Variants in DCP1B observed in about 807,000 individuals in gnomAD.
DCP1B encodes decapping mRNA 1B, also known as mRNA-decapping enzyme 1B.
DCP1B carries 47 observed loss-of-function variants against 60.5 expected under a neutral mutation model. That is an observed-to-expected ratio of 0.78 (90% CI 0.61 to 0.99). The LOEUF (loss-of-function observed/expected upper bound fraction) is 0.99. Ranked by LOEUF, DCP1B falls within the 50% of genes least tolerant of loss-of-function variation. DCP1B has a pLI of 0.00. For missense variants in DCP1B, 725 were observed against 756.8 expected (o/e 0.96, Z 0.49); for synonymous variants, 267 against 280.3 (o/e 0.95, Z 0.47).
At chr12:1,956,098 C>A (rs2154456752) in intron 5 of DCP1B, among the ~76,000 whole-genome samples, 1 of 152,296 alleles carries the variant, frequency 6.6e-6, no homozygotes, top group African/African-American at 2.4e-5. Flanking sequence ...CTTGCATAAA[C>A]AGAGTAATTC....
At position 1,953,160 on chromosome 12, in the gene DCP1B, C is replaced by CTGT; in HGVS notation, c.779_780insACA (p.Gln261dup). ...CCTGCCTAATTGGAAGCTTCTCTTG[C>CTGT]TGCTGCTGCTGCTGCTGCTGCTGCT... On this transcript the variant is annotated inframe_insertion, in exon 7 of 9. Coordinates refer to ENST00000280665, the MANE Select transcript of DCP1B (RefSeq NM_152640.5). 2 of 1,133,532 alleles carry CTGT rather than the reference C, an allele frequency of 1.8e-6. No homozygotes were observed. Among genetic ancestry groups the CTGT allele is most frequent in the Non-Finnish European group, 2.5e-6 (2 of 784,896 alleles). The allele number at this position is 1,133,532 out of a possible 1,614,324, so 70.2% of individuals were successfully genotyped here.
intron 3 of DCP1B, among the ~76,000 whole-genome samples, chr12:1,976,708 T>C (rs1429800121): frequency 6.6e-6 from 1 of 151,990 alleles, no homozygotes; most frequent in Non-Finnish European, 1.5e-5. Flanking sequence ...GCTTTAGGGG[T>C]TCAATAAAAT....
chr12:1,951,290 G>A (rs923066078), intron 7 of DCP1B, among the ~76,000 whole-genome samples: 1 of 152,152 alleles, frequency 6.6e-6, no homozygotes, highest in Admixed American at 6.5e-5. Flanking sequence ...AACAAAAAAA[G>A]GTACATAACA....
intron 3 of DCP1B, among the ~76,000 whole-genome samples, chr12:1,983,901 G>C (rs1282469503): frequency 1.3e-5 from 2 of 151,334 alleles, no homozygotes; most frequent in Non-Finnish European, 3.0e-5. Flanking sequence ...CACACACTTT[G>C]AAGCTCTGTA....
chr12:1,999,350 A>C (rs770296167), intron 1 of DCP1B, among the ~76,000 whole-genome samples: 4 of 152,380 alleles, frequency 2.6e-5, no homozygotes, highest in Middle Eastern at 3.4e-3. Context: ...ATGGCTATAA[A>C]AAATCATTAC....
At chr12:1,958,591 C>T (rs2030993350) in intron 5 of DCP1B, among the ~76,000 whole-genome samples, 1 of 150,822 alleles carries the variant, frequency 6.6e-6, no homozygotes, top group East Asian at 2.0e-4. Context: ...CCTAACGTCG[C>T]TCTGGGCAAT....
chr12:1,963,736 T>G (rs889264324), intron 5 of DCP1B, among the ~76,000 whole-genome samples: 27 of 152,312 alleles, frequency 1.8e-4, no homozygotes, highest in South Asian at 2.1e-4. Flanking sequence ...TGAAGAGCCC[T>G]GACACCTTCT....
intron 4 of DCP1B, among the ~76,000 whole-genome samples, chr12:1,967,622 A>G (rs1400283392): frequency 6.6e-6 from 1 of 152,274 alleles, no homozygotes; most frequent in African/African-American, 2.4e-5. Flanking sequence ...CACACAGGAA[A>G]AAATGAATCA....
chr12:1,982,641 C>T (rs2036496185), intron 3 of DCP1B, among the ~76,000 whole-genome samples: 1 of 151,846 alleles, frequency 6.6e-6, no homozygotes, highest in Non-Finnish European at 1.5e-5. Flanking sequence ...TGGGTTATTC[C>T]CACCATTTGG....
At position 1,948,974 on chromosome 12, in the gene DCP1B, C is replaced by A; in HGVS notation, c.1773+112G>T. The A allele has an allele frequency of 7.1e-7, 1 of 1,399,388 alleles. No individual in the cohort carries two copies. Among genetic ancestry groups the A allele is most frequent in the South Asian group, 1.4e-5 (1 of 73,834 alleles). 86.7% of individuals were successfully genotyped at this position (1,399,388 alleles called of 1,614,324 possible). Reference sequence around the variant, plus strand: ...GGTCAGGATGAGTTGTTACACACACCTGTTATTCTCACGGAAGCTAAGCAG... The same window carrying A: ...GGTCAGGATGAGTTGTTACACACACATGTTATTCTCACGGAAGCTAAGCAG... On this transcript the variant is annotated intron_variant, in intron 8 of 8. Transcript: ENST00000280665. This position sits in a 1 kb window ranked among gnomAD's most constrained non-coding sequence, Gnocchi z 4.8.
intron 7 of DCP1B, 117 bp from the exon 8 acceptor site, chr12:1,949,451 GAA>G: frequency 4.2e-6 from 6 of 1,434,612 alleles, no homozygotes; most frequent in Non-Finnish European, 5.6e-6. Context: ...TCCTAGCTGA[GAA>G]AAGTTTATGG....
intron 7 of DCP1B, chr12:1,950,315 T>A (rs1313317529): frequency 2.8e-6 from 2 of 702,304 alleles, no homozygotes; most frequent in Non-Finnish European, 5.2e-6. Context: ...TCAAGCATTC[T>A]GAGCACAGCG....
chr12:1,981,224 G>A (rs1318790100), intron 3 of DCP1B, among the ~76,000 whole-genome samples: 1 of 152,130 alleles, frequency 6.6e-6, no homozygotes, highest in Non-Finnish European at 1.5e-5. Flanking sequence ...ATCACTCACT[G>A]CTTCGGGTTT....
intron 3 of DCP1B, among the ~76,000 whole-genome samples, chr12:1,973,920 T>C (rs2033408291): frequency 6.6e-6 from 1 of 152,206 alleles, no homozygotes; most frequent in African/African-American, 2.4e-5. Flanking sequence ...TCTCTACTCG[T>C]CCTTGAAGAC....
downstream of DCP1B, among the ~76,000 whole-genome samples, chr12:1,945,171 G>A (rs1350561225): frequency 6.6e-6 from 1 of 152,058 alleles, no homozygotes; most frequent in Non-Finnish European, 1.5e-5. Flanking sequence ...CAACAAACAT[G>A]AAAAAAAGCT....
intron 1 of DCP1B, among the ~76,000 whole-genome samples, chr12:2,003,017 A>C (rs2042543199): frequency 6.6e-6 from 1 of 152,226 alleles, no homozygotes; most frequent in African/African-American, 2.4e-5. Flanking sequence ...AAGAACGAAT[A>C]TTAAAGAGCT....
At chr12:1,991,038 T>C in intron 3 of DCP1B, 3 of 450,070 alleles carry the variant, frequency 6.7e-6, no homozygotes, top group Non-Finnish European at 8.9e-6. Flanking sequence ...TCCATTCCCT[T>C]TCACTCTTTG....
At chr12:1,985,493 A>G (rs2037434607) in intron 3 of DCP1B, among the ~76,000 whole-genome samples, 1 of 152,128 alleles carries the variant, frequency 6.6e-6, no homozygotes, top group Non-Finnish European at 1.5e-5. Flanking sequence ...CTATCTTTCC[A>G]TTCTTTTCAA....
At chr12:1,989,493 C>G (rs1012831067) in intron 3 of DCP1B, among the ~76,000 whole-genome samples, 1 of 152,214 alleles carries the variant, frequency 6.6e-6, no homozygotes, top group African/African-American at 2.4e-5. Context: ...GGTGGGTGAT[C>G]ACTTGAAGTC....
Sources: gnomAD v4.1 joint callset for allele counts (sites outside exome capture counted in the v4.1 genomes callset) on GRCh38, gnomAD v4.1.1 for gene constraint, Gnocchi (gnomAD v3.1) non-coding constraint, MANE v1.5 for transcripts, NCBI Gene and HGNC (gene_info 2026-07-23, HGNC 2026-07-21) for gene names.